Variants in NOP58 observed in about 807,000 individuals in gnomAD.
The protein encoded by NOP58 is nucleolar protein 58.
In NOP58, 44 loss-of-function variants were observed where a neutral mutation model predicts 71.2. The ratio of observed to expected loss-of-function variants is 0.62; its 90% CI spans 0.49 to 0.79. The LOEUF is 0.79. Among genes scored for constraint, NOP58 ranks in the 30% least tolerant of loss-of-function variants. The pLI, the probability that NOP58 is intolerant of heterozygous loss-of-function variation, is 0.00. For missense variants in NOP58, 538 were observed against 620.2 expected (o/e 0.87, Z 1.41); for synonymous variants, 228 against 200.3 (o/e 1.14, Z -1.17).
intron 7 of NOP58, 93 bp from the exon 8 acceptor site, chr2:202,291,032 A>G (rs892101859): frequency 8.4e-7 from 1 of 1,193,142 alleles, no homozygotes; most frequent in Non-Finnish European, 1.2e-6. Context: ...CATCCTTTTC[A>G]TTGGCTTTCT....
At chr2:202,276,436 T>C (rs779260369) in intron 2 of NOP58, 1 of 510,878 alleles carries the variant, frequency 2.0e-6, no homozygotes, top group East Asian at 5.5e-5. Context: ...TCTGATTCGT[T>C]GTTGTCAATG....
intron 8 of NOP58, among the ~76,000 whole-genome samples, chr2:202,292,370 T>C (rs1367149981): frequency 6.6e-6 from 1 of 151,872 alleles, no homozygotes; most frequent in Non-Finnish European, 1.5e-5. Flanking sequence ...ATACATTATA[T>C]AACGAAGTCC....
intron 5 of NOP58, among the ~76,000 whole-genome samples, chr2:202,285,966 A>G (rs1173703764): frequency 6.6e-6 from 1 of 152,164 alleles, no homozygotes; most frequent in African/African-American, 2.4e-5. Flanking sequence ...AGGCCAAGGC[A>G]GGCAGATCAC....
intron 1 of NOP58, among the ~76,000 whole-genome samples, chr2:202,267,694 A>C (rs1688441184): frequency 6.6e-6 from 1 of 152,172 alleles, no homozygotes; most frequent in Non-Finnish European, 1.5e-5. Context: ...ACCGGATGTG[A>C]AGAGGAGCAA....
chr2:202,274,152 C>A (rs1688549985), intron 1 of NOP58, among the ~76,000 whole-genome samples: 1 of 152,154 alleles, frequency 6.6e-6, no homozygotes, highest in Non-Finnish European at 1.5e-5. Context: ...ATCCATAATA[C>A]TTTCATGTTA....
Position 202,284,508 on chromosome 2 carries a change from A to G in NOP58, c.434+27A>G, listed in dbSNP as rs1430925998. The G allele has an allele frequency of 1.3e-5, 21 of 1,608,200 alleles. No homozygotes were observed. In the Admixed American group the frequency reaches 3.6e-4, roughly 28 times the overall value. On this transcript the variant is annotated intron_variant, in intron 5 of 14. Transcript: ENST00000264279. ...TGAGAATTACTGGAAAATAAAGTCA[A>G]CTTACTTTTATTTGATAAGCGCTTA...
intron 8 of NOP58, chr2:202,291,534 C>T (rs1040313568): frequency 1.5e-4 from 37 of 240,854 alleles, no homozygotes; most frequent in Middle Eastern, 1.5e-3. Context: ...AGGCCAGGCG[C>T]GTTGGCTCAC....
At chr2:202,297,288 A>C in intron 10 of NOP58, 91 bp from the exon 11 acceptor site, 1 of 1,189,674 alleles carries the variant, frequency 8.4e-7, no homozygotes, top group Non-Finnish European at 1.2e-6. Context: ...ATGATTCATA[A>C]TAGTTTTATA....
At chr2:202,277,813 C>G (rs953000839) in intron 2 of NOP58, 137 bp from the exon 3 acceptor site, 1 of 620,920 alleles carries the variant, frequency 1.6e-6, no homozygotes, top group Admixed American at 2.9e-5. Context: ...TAACTTCACA[C>G]CCTGATACAC....
chr2:202,271,980 C>T (rs949379630), intron 1 of NOP58, among the ~76,000 whole-genome samples: 5 of 152,084 alleles, frequency 3.3e-5, no homozygotes, highest in African/African-American at 9.7e-5. Flanking sequence ...TAAAACTATA[C>T]TTTGCTAATA....
At chr2:202,300,971 G>A (rs1052226546) in intron 13 of NOP58, among the ~76,000 whole-genome samples, 5 of 152,114 alleles carry the variant, frequency 3.3e-5, no homozygotes, top group African/African-American at 1.2e-4. Flanking sequence ...TAGCTTAGTG[G>A]TCAAAAGTAT....
chr2:202,283,149 C>A (rs147757938), intron 4 of NOP58, among the ~76,000 whole-genome samples: 2 of 152,174 alleles, frequency 1.3e-5, no homozygotes. Context: ...CAGACTTGAC[C>A]TCCTGTTCTC....
rs1159695099 is a variant in NOP58, at chr2:202,292,907, A to G, written c.907+4A>G. 1.2e-6 allele frequency: 2 copies of G among 1,613,856 alleles called. No homozygotes were observed. Among genetic ancestry groups the G allele is most frequent in the African/African-American group, 1.3e-5 (1 of 74,928 alleles). ...GCACGGCTTATTGCTCATGCAGGTG[A>G]TGGTTTTAATGTAATTTGTAAATAT... On this transcript the variant is annotated splice_donor_region_variant and intron_variant, in intron 9 of 14. Coordinates refer to ENST00000264279, the MANE Select transcript of NOP58 (RefSeq NM_015934.5).
At chr2:202,298,901 C>T (rs1689040698) in intron 12 of NOP58, among the ~76,000 whole-genome samples, 1 of 150,538 alleles carries the variant, frequency 6.6e-6, no homozygotes, top group African/African-American at 2.5e-5. Flanking sequence ...TCAAAATGTT[C>T]CTAGTCATTA....
intron 5 of NOP58, among the ~76,000 whole-genome samples, chr2:202,286,348 C>G (rs1010080947): frequency 7.0e-6 from 1 of 142,528 alleles, no homozygotes; most frequent in African/African-American, 2.6e-5. Flanking sequence ...ACTAAAAATA[C>G]AAAAAAATTA....
intron 6 of NOP58, among the ~76,000 whole-genome samples, chr2:202,288,591 G>A (rs1166787541): frequency 1.3e-5 from 2 of 152,116 alleles, no homozygotes; most frequent in Non-Finnish European, 2.9e-5. Context: ...GCAGAGGCTG[G>A]TGGATCACCT....
intron 5 of NOP58, among the ~76,000 whole-genome samples, chr2:202,286,628 G>T (rs944508848): frequency 6.6e-6 from 1 of 152,198 alleles, no homozygotes; most frequent in Non-Finnish European, 1.5e-5. Context: ...ACAAAGGTTA[G>T]GGAGAGCTTT....
intron 9 of NOP58, among the ~76,000 whole-genome samples, chr2:202,294,112 C>T (rs935940368): frequency 6.6e-6 from 1 of 151,292 alleles, no homozygotes; most frequent in Non-Finnish European, 1.5e-5. Flanking sequence ...GTCAGGAGTT[C>T]GAGACCAGCC....
intron 10 of NOP58, among the ~76,000 whole-genome samples, chr2:202,296,985 G>A (rs112753896): frequency 3.9e-5 from 6 of 152,066 alleles, no homozygotes; most frequent in African/African-American, 1.2e-4. Flanking sequence ...CACTCGCCTC[G>A]GCCTCCCAAA....
Sources: allele counts gnomAD v4.1 joint callset (sites outside exome capture counted in the v4.1 genomes callset), GRCh38; gene constraint gnomAD v4.1.1; transcripts MANE v1.5; gene names NCBI Gene and HGNC (gene_info 2026-07-23, HGNC 2026-07-21).